The following PAK5 variants were observed in gnomAD, a reference collection of about 807,000 sequenced individuals.
PAK5 encodes serine/threonine-protein kinase PAK 5.
PAK5 carries 16 observed loss-of-function variants against 65.9 expected under a neutral mutation model. The observed-to-expected ratio is 0.24, with a 90% CI of 0.16 to 0.37. The LOEUF (loss-of-function observed/expected upper bound fraction) is 0.37, where lower values mean the gene tolerates loss of function less well. Ranked by LOEUF, PAK5 falls within the 10% of genes least tolerant of loss-of-function variation. PAK5 has a pLI of 1.00. For missense variants in PAK5, 785 were observed against 903.9 expected, an observed-to-expected ratio of 0.87 and a Z score of 1.69; for synonymous variants, 371 against 354.9, an observed-to-expected ratio of 1.05 and a Z score of -0.51.
intron 1 of PAK5, among the ~76,000 whole-genome samples, chr20:9,828,421 T>G (rs1422729386): frequency 6.6e-6 from 1 of 152,234 alleles, no homozygotes; most frequent in East Asian, 1.9e-4. Context: ...GTAAAATTTT[T>G]TTAAATCCCC....
intron 7 of PAK5, among the ~76,000 whole-genome samples, 184 bp from the exon 8 acceptor site, chr20:9,544,678 C>A (rs1286576371): frequency 1.3e-5 from 2 of 152,148 alleles, no homozygotes; most frequent in Non-Finnish European, 2.9e-5. Context: ...AATGGAGAAA[C>A]TTCTCCCGGG....
intron 7 of PAK5, among the ~76,000 whole-genome samples, chr20:9,554,870 T>C (rs1379682836): frequency 6.6e-6 from 1 of 152,184 alleles, no homozygotes; most frequent in Non-Finnish European, 1.5e-5. Flanking sequence ...CTGCCTGGAA[T>C]GCTCCTGTTT....
intron 1 of PAK5, among the ~76,000 whole-genome samples, chr20:9,812,354 C>A (rs902189710): frequency 6.6e-6 from 1 of 151,252 alleles, no homozygotes; most frequent in African/African-American, 2.4e-5. Context: ...AGAAGATGTA[C>A]AAATGGCAAG....
chr20:9,789,627 T>A (rs2049028927), intron 1 of PAK5, among the ~76,000 whole-genome samples: 1 of 152,124 alleles, frequency 6.6e-6, no homozygotes, highest in African/African-American at 2.4e-5. Flanking sequence ...TCCACAACAC[T>A]TAATGGACAT....
chr20:9,655,781 T>C (rs1011733708), intron 2 of PAK5, among the ~76,000 whole-genome samples: 1 of 152,086 alleles, frequency 6.6e-6, no homozygotes, highest in Non-Finnish European at 1.5e-5. Flanking sequence ...CAAGATAAAT[T>C]TTATTCTCAC....
intron 5 of PAK5, among the ~76,000 whole-genome samples, chr20:9,563,315 T>C (rs113909389): frequency 1.3e-5 from 2 of 152,322 alleles, no homozygotes; most frequent in African/African-American, 4.8e-5. Context: ...AGAGGGAGTT[T>C]GGTTGACCAT....
At chr20:9,748,274 T>C (rs373167503) in intron 1 of PAK5, among the ~76,000 whole-genome samples, 5 of 152,144 alleles carry the variant, frequency 3.3e-5, no homozygotes, top group African/African-American at 1.2e-4. Flanking sequence ...AGGTAATTTA[T>C]AGATTCAATG....
chr20:9,745,875 T>C (rs939945703), intron 1 of PAK5, among the ~76,000 whole-genome samples: 10 of 150,706 alleles, frequency 6.6e-5, no homozygotes, highest in African/African-American at 1.2e-4. Flanking sequence ...ATGTAACAAC[T>C]AAAAAAAAAG....
chr20:9,790,138 C>T (rs2049034543), intron 1 of PAK5, among the ~76,000 whole-genome samples: 1 of 152,156 alleles, frequency 6.6e-6, no homozygotes, highest in South Asian at 2.1e-4. Context: ...AGCTGTACCC[C>T]TAAAACTTCC....
rs1356607095 is a variant in PAK5, at chr20:9,796,431, C to T, written c.-162+42331G>A. 3.3e-5 allele frequency among the ~76,000 whole-genome samples: 5 copies of T among 152,104 alleles called. No homozygotes were observed. In the East Asian group the frequency reaches 9.7e-4, roughly 29 times the overall value. On this transcript the variant is annotated intron_variant, in intron 1 of 9. Transcript: ENST00000353224. Reference sequence around the variant, plus strand: ...AATGGCCCCAAGAGAGACTTTGCTTCCAGGAAATTGGAAGACATGGGACAT... The same window carrying T: ...AATGGCCCCAAGAGAGACTTTGCTTTCAGGAAATTGGAAGACATGGGACAT...
chr20:9,622,330 C>A (rs1039728496), intron 3 of PAK5, among the ~76,000 whole-genome samples: 21 of 152,054 alleles, frequency 1.4e-4, no homozygotes, highest in Non-Finnish European at 2.4e-4. Flanking sequence ...AAAATAAAAT[C>A]AAATCAAAAA....
intron 2 of PAK5, among the ~76,000 whole-genome samples, chr20:9,668,279 T>C (rs552798808): frequency 1.3e-5 from 2 of 152,264 alleles, no homozygotes; most frequent in South Asian, 4.1e-4. Context: ...TACATATCTA[T>C]GTCTTTGTTT....
chr20:9,631,412 C>T (rs1600170544), intron 3 of PAK5, among the ~76,000 whole-genome samples: 1 of 152,116 alleles, frequency 6.6e-6, no homozygotes. Context: ...TATATATAGT[C>T]CAAGCAGACT....
chr20:9,656,278 T>C (rs1301098583), intron 2 of PAK5, among the ~76,000 whole-genome samples: 1 of 152,072 alleles, frequency 6.6e-6, no homozygotes. Flanking sequence ...GAATAGTCAC[T>C]GAGACAAAAT....
chr20:9,619,888 CAGTGCTCTCAGCCAATCATT>C (rs2046739457), intron 3 of PAK5, among the ~76,000 whole-genome samples: 1 of 152,164 alleles, frequency 6.6e-6, no homozygotes, highest in South Asian at 2.1e-4. Flanking sequence ...AGACAATCAT[CAGTGCTCTCAGCCAATCATT>C]AGTGCTCTCA....
chr20:9,612,185 C>A (rs186924718), intron 3 of PAK5, among the ~76,000 whole-genome samples: 2 of 152,304 alleles, frequency 1.3e-5, no homozygotes, highest in East Asian at 1.9e-4. Flanking sequence ...CCTCTGGGGC[C>A]GCCCTGCCCT....
At chr20:9,590,053 T>C (rs2046139407) in intron 3 of PAK5, among the ~76,000 whole-genome samples, 1 of 152,194 alleles carries the variant, frequency 6.6e-6, no homozygotes, top group South Asian at 2.1e-4. Context: ...AGTGGTGCAA[T>C]CATAGCTCAC....
chr20:9,571,413 C>A (rs984562571), intron 4 of PAK5, among the ~76,000 whole-genome samples: 3 of 152,188 alleles, frequency 2.0e-5, no homozygotes, highest in Non-Finnish European at 2.9e-5. Context: ...AAAATAGAGG[C>A]ACAAGGAGAC....
intron 2 of PAK5, among the ~76,000 whole-genome samples, chr20:9,689,990 A>T (rs1229191847): frequency 1.3e-5 from 2 of 152,200 alleles, no homozygotes; most frequent in Non-Finnish European, 2.9e-5. Flanking sequence ...GAGGATAACA[A>T]GATGCTGTAC....
Sources: allele counts gnomAD v4.1 joint callset (sites outside exome capture counted in the v4.1 genomes callset), GRCh38; gene constraint gnomAD v4.1.1; transcripts MANE v1.5; gene names NCBI Gene and HGNC (gene_info 2026-07-23, HGNC 2026-07-21).